STXBP6: variants seen among roughly 807,000 people sequenced by gnomAD.
STXBP6 encodes the protein syntaxin binding protein 6, also known as syntaxin-binding protein 6.
STXBP6 carries 21 observed loss-of-function variants against 26.9 expected under a neutral mutation model. The observed-to-expected ratio is 0.78, with a 90% CI of 0.55 to 1.12. The LOEUF (loss-of-function observed/expected upper bound fraction) is 1.12. Among genes scored for constraint, STXBP6 ranks in the 50% most tolerant of loss-of-function variants. The pLI is 0.00. For missense variants in STXBP6, 232 were observed against 257.9 expected, an observed-to-expected ratio of 0.90 and a Z score of 0.69; for synonymous variants, 97 against 92.6, an observed-to-expected ratio of 1.05 and a Z score of -0.27.
rs535688990 is a variant in STXBP6, at chr14:25,047,290, GA to G, written c.-33+2587del. Among the ~76,000 whole-genome samples the G allele has an allele frequency of 3.7e-3, 569 of 152,258 alleles. 3 individuals are homozygous for G. The highest frequency in any genetic ancestry group is 0.012 in the African/African-American group (512 of 41,546). On this transcript the variant is annotated intron_variant, in intron 1 of 5. Coordinates refer to ENST00000323944, the MANE Select transcript of STXBP6 (RefSeq NM_001394410.1). ...TATTTTACAGTATGAAAAGAAGGGG[GA>G]ATCCTACCTCTTTGTAAAATACATC...
chr14:25,030,989 T>G (rs1162021511), intron 1 of STXBP6, among the ~76,000 whole-genome samples: 2 of 152,162 alleles, frequency 1.3e-5, no homozygotes, highest in Admixed American at 1.3e-4. Context: ...GACAGTATAT[T>G]TCAACAGAAA....
chr14:24,820,790 C>T (rs1001611251), intron 4 of STXBP6, among the ~76,000 whole-genome samples: 2 of 152,168 alleles, frequency 1.3e-5, no homozygotes, highest in Admixed American at 6.5e-5. Context: ...GGTTAAGAGG[C>T]TTGCACAATA....
chr14:24,956,392 T>A (rs1199852607), intron 2 of STXBP6, among the ~76,000 whole-genome samples: 1 of 152,202 alleles, frequency 6.6e-6, no homozygotes, highest in Non-Finnish European at 1.5e-5. Context: ...GTAAAGCTTT[T>A]AATGGTAGAA....
intron 2 of STXBP6, among the ~76,000 whole-genome samples, chr14:24,865,833 G>A (rs2069698340): frequency 6.6e-6 from 1 of 152,112 alleles, no homozygotes; most frequent in Non-Finnish European, 1.5e-5. Context: ...AGCAACAGTA[G>A]CAAAATTTGG....
chr14:24,887,761 T>C (rs2070643611), intron 2 of STXBP6, among the ~76,000 whole-genome samples: 1 of 152,186 alleles, frequency 6.6e-6, no homozygotes, highest in Admixed American at 6.5e-5. Flanking sequence ...CCCCTCTCCC[T>C]GTGCCAGGGG....
intron 1 of STXBP6, among the ~76,000 whole-genome samples, chr14:25,044,188 A>AAAAAAC (rs2075688750): frequency 6.6e-6 from 1 of 151,552 alleles, no homozygotes; most frequent in Non-Finnish European, 1.5e-5. Flanking sequence ...AAAAAAAAAA[A>AAAAAAC]AAAAAAGGAA....
intron 2 of STXBP6, among the ~76,000 whole-genome samples, chr14:24,957,976 C>G (rs1267256731): frequency 6.6e-6 from 1 of 152,142 alleles, no homozygotes; most frequent in East Asian, 1.9e-4. Flanking sequence ...CAAAATAAAG[C>G]CTCATATCAG....
chr14:24,836,795 T>C (rs1256133064), intron 4 of STXBP6, among the ~76,000 whole-genome samples: 2 of 152,116 alleles, frequency 1.3e-5, no homozygotes, highest in Non-Finnish European at 2.9e-5. Context: ...TCTTTAAATC[T>C]TCAGTAAAAA....
At chr14:24,863,073 A>G (rs893891854) in intron 2 of STXBP6, among the ~76,000 whole-genome samples, 5 of 152,140 alleles carry the variant, frequency 3.3e-5, no homozygotes, top group African/African-American at 4.8e-5. Flanking sequence ...ATGTAAAAAT[A>G]TGTAGATTTT....
intron 5 of STXBP6, among the ~76,000 whole-genome samples, chr14:24,813,866 G>A (rs756634639): frequency 6.6e-6 from 1 of 152,052 alleles, no homozygotes; most frequent in Non-Finnish European, 1.5e-5. Context: ...ATAACCCTGG[G>A]GCTGCCATCT....
At chr14:24,980,809 T>C (rs1242240774) in intron 1 of STXBP6, among the ~76,000 whole-genome samples, 3 of 152,024 alleles carry the variant, frequency 2.0e-5, no homozygotes, top group East Asian at 3.9e-4. Flanking sequence ...GGGATATGAA[T>C]AAAAACTAAA....
At chr14:24,893,828 C>T (rs950605284) in intron 2 of STXBP6, among the ~76,000 whole-genome samples, 1 of 152,160 alleles carries the variant, frequency 6.6e-6, no homozygotes, top group African/African-American at 2.4e-5. Flanking sequence ...CTTTAAGGAA[C>T]AGCTAGCTTT....
At chr14:24,823,499 C>A (rs1465683575) in intron 4 of STXBP6, among the ~76,000 whole-genome samples, 1 of 152,078 alleles carries the variant, frequency 6.6e-6, no homozygotes, top group East Asian at 1.9e-4. Flanking sequence ...GCAATTTCAA[C>A]AGAATTTTCA....
In STXBP6 at chr14:24,965,361, C is replaced by A. The variant is rs139730921; in HGVS notation, c.154+9304G>T. Among the ~76,000 whole-genome samples the A allele has an allele frequency of 3.2e-4, 41 of 127,708 alleles. No homozygotes were observed. The East Asian group carries it at 4.4e-3, about 14-fold the overall frequency. 83.8% of individuals were successfully genotyped at this position (127,708 alleles called of 152,430 possible). On this transcript the variant is annotated intron_variant, in intron 2 of 5. Transcript: ENST00000323944. ...CTTTTTGCTGTTGTCTTATAAATGT[C>A]TTGAGTCTGTTCCTGAGAGGCAGAC...
At chr14:24,948,336 T>G (rs2073058891) in intron 2 of STXBP6, among the ~76,000 whole-genome samples, 1 of 109,234 alleles carries the variant, frequency 9.2e-6, no homozygotes, top group Non-Finnish European at 1.9e-5. Flanking sequence ...TTTATGCTCT[T>G]TATGGACACT....
intron 2 of STXBP6, among the ~76,000 whole-genome samples, chr14:24,908,718 T>A (rs2071467939): frequency 6.6e-6 from 1 of 152,166 alleles, no homozygotes; most frequent in Non-Finnish European, 1.5e-5. Flanking sequence ...CCCAATTTCC[T>A]CATAAGGCTT....
chr14:24,985,875 A>G (rs1360985525), intron 1 of STXBP6, among the ~76,000 whole-genome samples: 2 of 152,248 alleles, frequency 1.3e-5, no homozygotes, highest in Admixed American at 6.5e-5. Context: ...TCATCCAATT[A>G]CCTCACTTAA....
At chr14:24,850,171 C>G (rs12893848) in intron 4 of STXBP6, among the ~76,000 whole-genome samples, 27,503 of 152,042 alleles carry the variant, frequency 0.18, 3,093 homozygotes, top group Non-Finnish European at 0.26. Flanking sequence ...CTAGGGATGA[C>G]TTTGTATTGT....
chr14:24,883,163 C>T (rs1379320768), intron 2 of STXBP6, among the ~76,000 whole-genome samples: 1 of 152,146 alleles, frequency 6.6e-6, no homozygotes, highest in Non-Finnish European at 1.5e-5. Flanking sequence ...CTCATAACTA[C>T]AAACACACAC....
Sources: allele counts gnomAD v4.1 joint callset (sites outside exome capture counted in the v4.1 genomes callset), GRCh38; gene constraint gnomAD v4.1.1; transcripts MANE v1.5; gene names NCBI Gene and HGNC (gene_info 2026-07-23, HGNC 2026-07-21).